PHF2: variants seen among roughly 807,000 people sequenced by gnomAD.
PHF2 encodes PHD finger protein 2.
Under a neutral mutation model 120.5 loss-of-function variants are expected in PHF2, and 27 were observed. That is an observed-to-expected ratio of 0.22 (90% confidence interval 0.17 to 0.31). PHF2 has a LOEUF of 0.31. Ranked by LOEUF, PHF2 falls within the 10% of genes least tolerant of loss-of-function variation. The pLI is 1.00. For synonymous variants in PHF2, 568 were observed against 592.5 expected (o/e 0.96, Z 0.60); for missense variants, 1,024 against 1,434.8 (o/e 0.71, Z 4.63).
At chr9:93,611,415 CA>C (rs35037748) in intron 1 of PHF2, among the ~76,000 whole-genome samples, 46,083 of 140,710 alleles carry the variant, frequency 0.33, 7,655 homozygotes, top group South Asian at 0.61. Context: ...AACTCTGTCT[CA>C]AAAAAAAAAA....
At chr9:93,637,387 G>T (rs1020999102) in intron 3 of PHF2, among the ~76,000 whole-genome samples, 1 of 152,076 alleles carries the variant, frequency 6.6e-6, no homozygotes, top group East Asian at 1.9e-4. Flanking sequence ...TCACAGATAT[G>T]TGCACATCAC....
chr9:93,620,614 T>C (rs562848602), intron 1 of PHF2, among the ~76,000 whole-genome samples: 39 of 152,338 alleles, frequency 2.6e-4, no homozygotes, highest in African/African-American at 8.9e-4. Context: ...TTGAGGTTGG[T>C]TTTTTGTTAA....
At chr9:93,670,360 G>T (rs931396792) in intron 17 of PHF2, among the ~76,000 whole-genome samples, 1 of 152,248 alleles carries the variant, frequency 6.6e-6, no homozygotes, top group Admixed American at 6.5e-5. Context: ...ACGTTGCAGG[G>T]TGTACCTGCT....
intron 1 of PHF2, among the ~76,000 whole-genome samples, chr9:93,605,553 G>A (rs1448280208): frequency 9.2e-5 from 14 of 152,154 alleles, no homozygotes; most frequent in Non-Finnish European, 2.1e-4. Flanking sequence ...TGTTTTTACT[G>A]TCTCCATATC....
intron 5 of PHF2, among the ~76,000 whole-genome samples, chr9:93,652,652 T>C (rs1413687820): frequency 6.6e-6 from 1 of 152,214 alleles, no homozygotes. Flanking sequence ...TGTCATTGAA[T>C]TGAAGGCTGC....
Position 93,679,301 on chromosome 9 carries a change from A to T in PHF2, c.*1625A>T. ...GACTGGGTGGGAGAGGGGGAGTCTC[A>T]CGGGGCCCCAGGCTTATTCAGAACT... On this transcript the variant is annotated 3_prime_UTR_variant, in exon 22 of 22. Transcript: ENST00000359246. 2.2e-6 allele frequency: 1 copy of T among 455,126 alleles called. No homozygotes were observed. Among genetic ancestry groups the T allele is most frequent in the Middle Eastern group, 4.2e-4 (1 of 2,382 alleles). 28.2% of individuals were successfully genotyped at this position (455,126 alleles called of 1,614,324 possible).
chr9:93,588,484 C>G lies in PHF2; in HGVS notation c.98+11613C>G, dbSNP rs1040328314. 1.3e-5 allele frequency among the ~76,000 whole-genome samples: 2 copies of G among 152,160 alleles called. 1 individual carries two copies. Among genetic ancestry groups the G allele is most frequent in the Admixed American group, 1.3e-4 (2 of 15,282 alleles). On this transcript the variant is annotated intron_variant, in intron 1 of 21. Transcript: ENST00000359246. ...CTCTTTGGAGGTCAGAGGGCATAGA[C>G]CTGGAGGGAGCCTGTACCTGAGAGG... is the stretch of plus-strand genomic sequence containing the variant.
rs544400731 is a variant in PHF2 at position 93,677,821 on chromosome 9, C to T, written c.*145C>T. 4 of 632,922 alleles carry T rather than the reference C, an allele frequency of 6.3e-6. No homozygotes were observed. The highest frequency in any genetic ancestry group is 1.1e-5 in the Non-Finnish European group (4 of 353,622). The allele number at this position is 632,922 out of a possible 1,614,324, so 39.2% of individuals were successfully genotyped here. ...GCCATCTCCCCAACAAGCGTCTGTC[C>T]CTTCAGCCGGCAGAGCGAGCCCAGC... On this transcript the variant is annotated 3_prime_UTR_variant, in exon 22 of 22. Coordinates refer to ENST00000359246, the MANE Select transcript of PHF2 (RefSeq NM_005392.4). The surrounding 1 kb of genome is among the most constrained non-coding windows in gnomAD (Gnocchi z 4.4).
chr9:93,666,185 C>T, intron 16 of PHF2, 125 bp downstream of exon 16: 1 of 800,372 alleles, frequency 1.2e-6, no homozygotes, highest in East Asian at 2.6e-5. Context: ...AAAGGGGCCC[C>T]TTACCCTCAC....
At chr9:93,658,067 G>A (rs1204445090) in intron 9 of PHF2, 78 bp from the exon 10 acceptor site, 2 of 938,318 alleles carry the variant, frequency 2.1e-6, no homozygotes, top group East Asian at 5.2e-5. Context: ...GCATCCCCCG[G>A]TCTGGCTATG....
chr9:93,645,781 A>T lies in PHF2; in HGVS notation c.452A>T (p.Asn151Ile). The T allele has an allele frequency of 6.3e-7, 1 of 1,593,454 alleles. No individual in the cohort carries two copies. ...ACGTTCTATGTCAGTGACGTCGAGA[A>T]CTACGTGGGTAAGCGCCATCCCCTT... ...APTFYVSDVE[N>I]YVGPERSVDV... is the part of the protein sequence containing the mutation. Residue 151 changes from asparagine to isoleucine, a missense_variant, in exon 4 of 22, where the codon AAC (asparagine) becomes ATC (isoleucine). Coordinates refer to ENST00000359246, the MANE Select transcript of PHF2 (RefSeq NM_005392.4).
intron 1 of PHF2, among the ~76,000 whole-genome samples, chr9:93,624,319 G>A (rs1381582136): frequency 6.6e-6 from 1 of 152,102 alleles, no homozygotes; most frequent in Non-Finnish European, 1.5e-5. Flanking sequence ...TGGTGAGGAT[G>A]ATGATGGTGA....
Position 93,654,469 on chromosome 9 carries a change from G to A in PHF2, c.846G>A (p.Glu282=). 1.2e-6 allele frequency: 2 copies of A among 1,614,036 alleles called. No individual in the cohort carries two copies. Among genetic ancestry groups the A allele is most frequent in the Non-Finnish European group, 8.5e-7 (1 of 1,180,022 alleles). ...CCTCGGCCAACATCTCCCTGTATGA[G>A]CGCTGGCGGTCTGCCTCTAACCACA... ...RPASANISLY[E]RWRSASNHSE... is the part of the protein sequence containing the mutation. The change falls in exon 7 of 22, where the codon GAG becomes GAA. Residue 282 remains glutamate, a synonymous_variant. Transcript: ENST00000359246.
At chr9:93,593,933 A>G (rs755705550) in intron 1 of PHF2, among the ~76,000 whole-genome samples, 5 of 152,236 alleles carry the variant, frequency 3.3e-5, no homozygotes, top group Non-Finnish European at 7.3e-5. Context: ...TTGTTTTCCA[A>G]GAGCTTAATA....
chr9:93,671,904 A>G (rs111797908), intron 17 of PHF2, among the ~76,000 whole-genome samples: 93 of 68,688 alleles, frequency 1.4e-3, no homozygotes, highest in Admixed American at 3.7e-3. Flanking sequence ...GTAGATGCAG[A>G]TGTGGGTGTG....
intron 3 of PHF2, among the ~76,000 whole-genome samples, chr9:93,638,944 T>C (rs1243589620): frequency 6.6e-6 from 1 of 152,206 alleles, no homozygotes; most frequent in Non-Finnish European, 1.5e-5. Context: ...GGTCTCAAAC[T>C]CCTGACCTTG....
intron 1 of PHF2, among the ~76,000 whole-genome samples, chr9:93,590,120 A>T (rs1825183089): frequency 6.6e-6 from 1 of 152,218 alleles, no homozygotes. Context: ...CGGATTTTAA[A>T]ATCGTCAGAT....
chr9:93,621,674 T>A (rs1825830104), intron 1 of PHF2, among the ~76,000 whole-genome samples: 5 of 152,184 alleles, frequency 3.3e-5, no homozygotes. Flanking sequence ...TGAGTCCTTG[T>A]GCTGGCCGTG....
chr9:93,628,012 T>C (rs1388866324), intron 1 of PHF2, among the ~76,000 whole-genome samples: 2 of 152,194 alleles, frequency 1.3e-5, no homozygotes, highest in African/African-American at 4.8e-5. Flanking sequence ...GATTGCATCT[T>C]TTTCTTCTTG....
Sources: gnomAD v4.1 joint callset for allele counts (sites outside exome capture counted in the v4.1 genomes callset) on GRCh38, gnomAD v4.1.1 for gene constraint, Gnocchi (gnomAD v3.1) non-coding constraint, MANE v1.5 for transcripts, NCBI Gene and HGNC (gene_info 2026-07-23, HGNC 2026-07-21) for gene names.